The following C12orf42 variants were observed in gnomAD, a reference collection of about 807,000 sequenced individuals.
The protein encoded by C12orf42 is chromosome 12 open reading frame 42.
Under a neutral mutation model 21.6 loss-of-function variants are expected in C12orf42, and 25 were observed. That is an observed-to-expected ratio of 1.16 (90% CI 0.84 to 1.62). The LOEUF is 1.62. Ranked by LOEUF, C12orf42 falls within the 40% of genes most tolerant of loss-of-function variation. C12orf42 has a pLI of 0.00. For synonymous variants in C12orf42, 174 were observed against 175.0 expected (o/e 0.99, Z 0.05); for missense variants, 483 against 459.3 (o/e 1.05, Z -0.47).
chr12:103,065,686 C>T, the C12orf42 span, among the ~76,000 whole-genome samples: 1 of 152,278 alleles, frequency 6.6e-6, no homozygotes, highest in African/African-American at 2.4e-5. Flanking sequence ...CTTCTACCTT[C>T]GTAAAATTTC....
chr12:103,288,220 C>G (rs977647650), intron 4 of C12orf42, among the ~76,000 whole-genome samples: 1 of 152,122 alleles, frequency 6.6e-6, no homozygotes, highest in Non-Finnish European at 1.5e-5. Context: ...ATCACATGAC[C>G]CACAGCACTC....
chr12:103,354,879 G>A lies in C12orf42; in HGVS notation c.259+14008C>T, dbSNP rs79763087. ...GGCCTATGGTTAACAATATTGTATT[G>A]TATATTATCAAATAACTAGAAGAGG... On this transcript the variant is annotated intron_variant, in intron 4 of 5. Transcript: ENST00000548883. 3.3e-3 allele frequency among the ~76,000 whole-genome samples: 500 copies of A among 151,992 alleles called. 3 individuals carry two copies. The highest frequency in any genetic ancestry group is 0.011 in the African/African-American group (474 of 41,478).
the C12orf42 span, among the ~76,000 whole-genome samples, chr12:103,513,856 A>G: frequency 0.012 from 1,886 of 152,314 alleles, 40 homozygotes; most frequent in African/African-American, 0.043. Flanking sequence ...GAAAACTAAA[A>G]AAAAAAACAA....
the C12orf42 span, among the ~76,000 whole-genome samples, chr12:103,069,161 A>C: frequency 1.3e-5 from 2 of 150,804 alleles, no homozygotes; most frequent in African/African-American, 2.4e-5. Flanking sequence ...TTAACCCATC[A>C]GTTGAATTTT....
chr12:103,388,297 A>G (rs2046790925), intron 3 of C12orf42, among the ~76,000 whole-genome samples: 2 of 151,968 alleles, frequency 1.3e-5, no homozygotes, highest in Non-Finnish European at 2.9e-5. Flanking sequence ...ACAGGTCCCA[A>G]CAGACCTCCA....
intron 10 of C12orf42, among the ~76,000 whole-genome samples, chr12:103,258,836 G>A (rs544496478): frequency 8.5e-5 from 13 of 152,204 alleles, no homozygotes; most frequent in Middle Eastern, 3.4e-3. Context: ...TGAAATAAGT[G>A]GAGAATTATA....
chr12:103,457,203 CA>C (rs1196221229), intron 2 of C12orf42, among the ~76,000 whole-genome samples: 1 of 152,054 alleles, frequency 6.6e-6, no homozygotes, highest in Non-Finnish European at 1.5e-5. Context: ...CAATCTAAAG[CA>C]TATGATGATA....
intron 4 of C12orf42, among the ~76,000 whole-genome samples, chr12:103,343,082 C>T (rs1036466863): frequency 2.6e-5 from 4 of 152,150 alleles, no homozygotes; most frequent in Non-Finnish European, 4.4e-5. Context: ...ATATTTGCTG[C>T]CAATGGGACT....
chr12:103,148,204 G>A, the C12orf42 span, among the ~76,000 whole-genome samples: 1 of 151,966 alleles, frequency 6.6e-6, no homozygotes, highest in African/African-American at 2.4e-5. Context: ...TTTATGTGTG[G>A]GTCTACTAGA....
chr12:103,429,433 A>T (rs1483010769), intron 2 of C12orf42, among the ~76,000 whole-genome samples: 1 of 152,222 alleles, frequency 6.6e-6, no homozygotes, highest in Non-Finnish European at 1.5e-5. Context: ...GACCTCTTCA[A>T]GGAGAACTAC....
At chr12:103,495,308 T>C (rs1955450845) in intron 1 of C12orf42, among the ~76,000 whole-genome samples, 1 of 151,880 alleles carries the variant, frequency 6.6e-6, no homozygotes, top group South Asian at 2.1e-4. Context: ...GGAACTTTCC[T>C]GGTGCGGAGA....
the C12orf42 span, among the ~76,000 whole-genome samples, chr12:103,204,050 C>A: frequency 6.6e-6 from 1 of 152,188 alleles, no homozygotes; most frequent in South Asian, 2.1e-4. Flanking sequence ...ACAAGTCAAA[C>A]TCCCACTATG....
the C12orf42 span, among the ~76,000 whole-genome samples, chr12:103,087,143 G>A: frequency 3.3e-5 from 5 of 151,928 alleles, no homozygotes; most frequent in Non-Finnish European, 1.5e-5. Context: ...TTATCACATG[G>A]ATATGATATG....
At chr12:103,536,543 A>G in the C12orf42 span, among the ~76,000 whole-genome samples, 3 of 152,202 alleles carry the variant, frequency 2.0e-5, no homozygotes, top group Admixed American at 1.3e-4. Flanking sequence ...GATGAACTCA[A>G]TAAGGAGTAA....
the C12orf42 span, among the ~76,000 whole-genome samples, chr12:103,141,118 T>C: frequency 6.6e-6 from 1 of 152,196 alleles, no homozygotes; most frequent in African/African-American, 2.4e-5. Context: ...AGCTCCCTGA[T>C]TTAGCCACCT....
At chr12:103,105,367 C>T in the C12orf42 span, among the ~76,000 whole-genome samples, 4,963 of 152,172 alleles carry the variant, frequency 0.033, 256 homozygotes, top group African/African-American at 0.11. Context: ...AGCTGGAGGT[C>T]GTAATCCTAA....
chr12:103,059,304 A>G, the C12orf42 span, among the ~76,000 whole-genome samples: 1 of 152,338 alleles, frequency 6.6e-6, no homozygotes, highest in African/African-American at 2.4e-5. Context: ...GAATAGACCA[A>G]TAACAAGTCC....
At chr12:103,140,108 C>T in the C12orf42 span, among the ~76,000 whole-genome samples, 1 of 152,206 alleles carries the variant, frequency 6.6e-6, no homozygotes, top group South Asian at 2.1e-4. Context: ...AAACAGTGGC[C>T]TCTTCCTGGT....
chr12:103,487,507 C>G (rs1446588329), intron 1 of C12orf42, among the ~76,000 whole-genome samples: 1 of 152,164 alleles, frequency 6.6e-6, no homozygotes, highest in African/African-American at 2.4e-5. Flanking sequence ...TGTTGGATAT[C>G]CTTGTTAACC....
Sources: allele counts gnomAD v4.1 joint callset (sites outside exome capture counted in the v4.1 genomes callset), GRCh38; gene constraint gnomAD v4.1.1; transcripts MANE v1.5; gene names NCBI Gene and HGNC (gene_info 2026-07-23, HGNC 2026-07-21).